The following RYK variants were observed in gnomAD, a reference collection of about 807,000 sequenced individuals.
The protein encoded by RYK is receptor like tyrosine kinase, also known as inactive tyrosine-protein kinase RYK.
A neutral mutation model predicts 70.2 loss-of-function variants in RYK; 21 were observed. That is an observed-to-expected ratio of 0.30 (90% CI 0.21 to 0.43). The LOEUF is 0.43. Ranked by LOEUF, RYK falls within the 20% of genes least tolerant of loss-of-function variation. RYK has a pLI of 1.00. For synonymous variants in RYK, 267 were observed against 278.0 expected (o/e 0.96, Z 0.39); for missense variants, 604 against 753.3 (o/e 0.80, Z 2.32).
intron 4 of RYK, among the ~76,000 whole-genome samples, chr3:134,208,070 C>T (rs1404374138): frequency 2.6e-5 from 4 of 152,028 alleles, no homozygotes; most frequent in Non-Finnish European, 5.9e-5. Context: ...AAAACCATGA[C>T]CAACAAATAC....
chr3:134,160,088 C>T (rs2012405253), intron 13 of RYK, among the ~76,000 whole-genome samples: 1 of 152,230 alleles, frequency 6.6e-6, no homozygotes. Context: ...GGTACATCCA[C>T]TGATCTGCCG....
chr3:134,231,030 T>C (rs918004410), intron 1 of RYK, among the ~76,000 whole-genome samples: 10 of 152,044 alleles, frequency 6.6e-5, no homozygotes, highest in African/African-American at 1.9e-4. Flanking sequence ...AAGAACTCTG[T>C]TCCTAATAAC....
At chr3:134,180,518 A>G (rs2013260051) in intron 10 of RYK, 1 of 152,230 alleles carries the variant, frequency 6.6e-6, no homozygotes, top group South Asian at 2.1e-4. Flanking sequence ...GTTGCTTGAT[A>G]AATTCTATAA....
At chr3:134,212,940 G>A (rs1037921259) in intron 2 of RYK, among the ~76,000 whole-genome samples, 6 of 150,980 alleles carry the variant, frequency 4.0e-5, no homozygotes, top group East Asian at 2.1e-4. Context: ...AGATAGGTAC[G>A]TAAACAACTG....
At chr3:134,245,787 A>C (rs553527397) in intron 1 of RYK, among the ~76,000 whole-genome samples, 1 of 152,288 alleles carries the variant, frequency 6.6e-6, no homozygotes, top group South Asian at 2.1e-4. Flanking sequence ...TGATTTCTTC[A>C]TTGTGAACAC....
chr3:134,237,888 C>A (rs778872695), intron 1 of RYK, among the ~76,000 whole-genome samples: 4 of 152,124 alleles, frequency 2.6e-5, no homozygotes, highest in Non-Finnish European at 4.4e-5. Flanking sequence ...AGATAATCTT[C>A]TAGATTCTGA....
intron 1 of RYK, among the ~76,000 whole-genome samples, chr3:134,235,030 A>G (rs188633994): frequency 2.0e-5 from 3 of 152,280 alleles, no homozygotes; most frequent in African/African-American, 4.8e-5. Context: ...CATCTGTAAG[A>G]TATTTACAAA....
intron 4 of RYK, 74 bp downstream of exon 4, chr3:134,209,621 T>C: frequency 8.7e-7 from 1 of 1,144,322 alleles, no homozygotes. Context: ...CTTAAATCTG[T>C]GAAAAAACAA....
chr3:134,236,211 C>T (rs1179283559), intron 1 of RYK, among the ~76,000 whole-genome samples: 2 of 151,936 alleles, frequency 1.3e-5, no homozygotes, highest in Non-Finnish European at 2.9e-5. Context: ...AAGTAAAGAT[C>T]ATAGAAATCA....
chr3:134,177,265 A>G (rs2013137561), intron 11 of RYK, among the ~76,000 whole-genome samples: 1 of 152,154 alleles, frequency 6.6e-6, no homozygotes, highest in Admixed American at 6.5e-5. Context: ...AGCATATGAT[A>G]CATATTAGGC....
intron 5 of RYK, among the ~76,000 whole-genome samples, chr3:134,205,251 G>A (rs765068459): frequency 3.3e-5 from 5 of 152,128 alleles, no homozygotes; most frequent in Non-Finnish European, 7.3e-5. Context: ...ATACAAGTTT[G>A]GAGTTCTGGG....
chr3:134,207,169 C>T lies in RYK; in HGVS notation c.643+303G>A, dbSNP rs6439467. Among the ~76,000 whole-genome samples, 13 of 152,042 alleles carry T rather than the reference C, an allele frequency of 8.6e-5. No individual in the cohort carries two copies. In the South Asian group the frequency reaches 2.7e-3, roughly 31 times the overall value. ...GATTTTCTAACCCTCTGCTAATAAA[C>T]ATCTTACACATATTTCATGGTCATA... On this transcript the variant is annotated intron_variant, in intron 5 of 14. Transcript: ENST00000623711.
chr3:134,166,150 A>G (rs527454095), intron 13 of RYK, among the ~76,000 whole-genome samples: 2 of 152,248 alleles, frequency 1.3e-5, no homozygotes, highest in East Asian at 3.9e-4. Context: ...CCCCCAAGTG[A>G]TGGTATTAGG....
At chr3:134,234,299 C>T (rs985382794) in intron 1 of RYK, among the ~76,000 whole-genome samples, 1 of 152,098 alleles carries the variant, frequency 6.6e-6, no homozygotes, top group African/African-American at 2.4e-5. Flanking sequence ...ACGACATTAT[C>T]TTTGGTATAT....
chr3:134,163,879 C>A (rs1221058982), intron 13 of RYK, among the ~76,000 whole-genome samples: 2 of 152,136 alleles, frequency 1.3e-5, no homozygotes, highest in African/African-American at 4.8e-5. Flanking sequence ...TTAAATGAAC[C>A]TGGGTTAAGT....
Position 134,175,752 on chromosome 3 carries a change from G to C in RYK, c.1432C>G (p.Gln478Glu), listed in dbSNP as rs1470806602. 2 of 1,613,740 alleles carry C rather than the reference G, an allele frequency of 1.2e-6. No homozygotes were observed. The highest frequency in any genetic ancestry group is 2.7e-5 in the African/African-American group (2 of 74,904). The change falls in exon 13 of 15, where the codon CAA becomes GAA. Residue 478 changes from glutamine to glutamate, a missense_variant. By Grantham distance (29) the Gln-to-Glu change is conservative. Coordinates refer to ENST00000623711, the MANE Select transcript of RYK (RefSeq NM_002958.4). ...ARNCVIDDTL[Q>E]VKITDNALSR... ...AGGGCATTGTCTGTGATCTTAACTT[G>C]AAGTGTGTCATCAATGCTGAAAAGT... is the stretch of plus-strand genomic sequence containing the variant.
intron 10 of RYK, chr3:134,181,134 G>A (rs527756555): frequency 6.6e-6 from 1 of 152,340 alleles, no homozygotes; most frequent in Non-Finnish European, 1.5e-5. Flanking sequence ...GTGCTGAAGT[G>A]ATGCAAACCT....
At chr3:134,228,277 C>CG (rs1488081230) in intron 1 of RYK, among the ~76,000 whole-genome samples, 1 of 151,880 alleles carries the variant, frequency 6.6e-6, no homozygotes, top group African/African-American at 2.4e-5. Flanking sequence ...GAAGATAGAA[C>CG]AAGACTCTGT....
intron 13 of RYK, among the ~76,000 whole-genome samples, chr3:134,166,767 G>A (rs1262433424): frequency 6.6e-6 from 1 of 152,176 alleles, no homozygotes; most frequent in East Asian, 1.9e-4. Flanking sequence ...CTGAGGGAGA[G>A]CCAACGACAG....
Sources: allele counts gnomAD v4.1 joint callset (sites outside exome capture counted in the v4.1 genomes callset), GRCh38; gene constraint gnomAD v4.1.1; transcripts MANE v1.5; gene names NCBI Gene and HGNC (gene_info 2026-07-23, HGNC 2026-07-21).